Variants in PPM1H observed in about 807,000 individuals in gnomAD.
PPM1H encodes protein phosphatase 1H.
A neutral mutation model predicts 54.9 loss-of-function variants in PPM1H; 27 were observed. The ratio of observed to expected loss-of-function variants is 0.49; its 90% confidence interval spans 0.36 to 0.68. The LOEUF (loss-of-function observed/expected upper bound fraction) is 0.68, where lower values mean the gene tolerates loss of function less well. Ranked by LOEUF, PPM1H falls within the 30% of genes least tolerant of loss-of-function variation. The pLI is 0.00. For synonymous variants in PPM1H, 305 were observed against 270.8 expected, an observed-to-expected ratio of 1.13 and a Z score of -1.24; for missense variants, 596 against 667.8, an observed-to-expected ratio of 0.89 and a Z score of 1.19.
intron 8 of PPM1H, among the ~76,000 whole-genome samples, chr12:62,674,361 GA>G (rs2075974172): frequency 6.6e-6 from 1 of 152,118 alleles, no homozygotes; most frequent in Admixed American, 6.5e-5. Flanking sequence ...TAGTTGGTGG[GA>G]AATAAAGAGA....
chr12:62,807,603 T>G (rs566868670), intron 2 of PPM1H, among the ~76,000 whole-genome samples: 1 of 144,204 alleles, frequency 6.9e-6, no homozygotes, highest in East Asian at 2.0e-4. Context: ...AACATTTCTA[T>G]GCCATGGTTT....
intron 3 of PPM1H, among the ~76,000 whole-genome samples, chr12:62,799,881 T>C (rs2076756736): frequency 6.6e-6 from 1 of 152,152 alleles, no homozygotes; most frequent in East Asian, 1.9e-4. Context: ...GGTGCTCTGC[T>C]CCAAGGAGGT....
chr12:62,716,717 A>T (rs1388520153), intron 6 of PPM1H, among the ~76,000 whole-genome samples: 1 of 152,068 alleles, frequency 6.6e-6, no homozygotes, highest in African/African-American at 2.4e-5. Flanking sequence ...TGTTATAGAG[A>T]TGGGGTCTCC....
rs780754894 is a variant in PPM1H at position 62,667,199 on chromosome 12, CAGTT to C, written c.1372_1375del (p.Asn458ValfsTer17). On this transcript the variant is annotated frameshift_variant, in exon 9 of 10. Coordinates refer to ENST00000228705, the MANE Select transcript of PPM1H (RefSeq NM_020700.2). LOFTEE classifies it high-confidence loss of function. ...AAACCTGTGAGGATCATCTGGATCA[CAGTT>C]AGGAAGAAACTGAGTGATTGCTTCT... is the stretch of plus-strand genomic sequence containing the variant. 2 of 1,600,798 alleles carry C rather than the reference CAGTT, an allele frequency of 1.2e-6. No homozygotes were observed. Among genetic ancestry groups the C allele is most frequent in the South Asian group, 1.1e-5 (1 of 90,626 alleles).
chr12:62,721,443 G>T (rs1421069417), intron 5 of PPM1H, among the ~76,000 whole-genome samples: 2 of 152,200 alleles, frequency 1.3e-5, no homozygotes, highest in Admixed American at 6.5e-5. Flanking sequence ...GTGACTGAGG[G>T]TGAGCAGGAG....
intron 1 of PPM1H, among the ~76,000 whole-genome samples, chr12:62,865,921 A>G (rs1414908527): frequency 6.6e-6 from 1 of 152,232 alleles, no homozygotes; most frequent in Non-Finnish European, 1.5e-5. Flanking sequence ...GTAACCACTT[A>G]ATGCATAAGT....
At chr12:62,691,362 A>G (rs1471850804) in intron 7 of PPM1H, among the ~76,000 whole-genome samples, 1 of 152,188 alleles carries the variant, frequency 6.6e-6, no homozygotes, top group Non-Finnish European at 1.5e-5. Context: ...GAAGTAAATA[A>G]ATGCTAAGAA....
chr12:62,790,143 G>C (rs1218991458), intron 3 of PPM1H, among the ~76,000 whole-genome samples: 2 of 152,206 alleles, frequency 1.3e-5, no homozygotes, highest in African/African-American at 4.8e-5. Context: ...TCATGGAAAA[G>C]GGGGAGAGAA....
At chr12:62,725,145 C>T (rs1407489352) in intron 5 of PPM1H, among the ~76,000 whole-genome samples, 1 of 152,172 alleles carries the variant, frequency 6.6e-6, no homozygotes, top group Non-Finnish European at 1.5e-5. Flanking sequence ...TGAGTCACAC[C>T]TCCTCAAACT....
At chr12:62,652,290 G>A (rs2075820935) in intron 9 of PPM1H, among the ~76,000 whole-genome samples, 1 of 152,154 alleles carries the variant, frequency 6.6e-6, no homozygotes, top group Non-Finnish European at 1.5e-5. Context: ...ATAGCTCACT[G>A]TAACCTTGAA....
chr12:62,736,311 ATGAAGATC>A (rs142757630), intron 5 of PPM1H, among the ~76,000 whole-genome samples: 9,537 of 152,206 alleles, frequency 0.063, 976 homozygotes, highest in African/African-American at 0.22. Context: ...TGGGGCCAGA[ATGAAGATC>A]TGAAGGCTGC....
At chr12:62,852,659 A>G (rs966563279) in intron 1 of PPM1H, among the ~76,000 whole-genome samples, 1 of 152,244 alleles carries the variant, frequency 6.6e-6, no homozygotes, top group Non-Finnish European at 1.5e-5. Flanking sequence ...ACAGATGCTA[A>G]ATCTCTTAGA....
At chr12:62,880,314 T>C (rs1870345511) in intron 1 of PPM1H, among the ~76,000 whole-genome samples, 1 of 152,204 alleles carries the variant, frequency 6.6e-6, no homozygotes, top group Non-Finnish European at 1.5e-5. Flanking sequence ...AGGATGATTG[T>C]TGGGGCAGGG....
chr12:62,827,554 T>C (rs549533441), intron 2 of PPM1H, among the ~76,000 whole-genome samples: 7 of 152,326 alleles, frequency 4.6e-5, no homozygotes, highest in East Asian at 3.9e-4. Flanking sequence ...CAGCTTATTA[T>C]GGTGTATGAT....
intron 2 of PPM1H, among the ~76,000 whole-genome samples, chr12:62,805,228 G>A (rs1350006835): frequency 6.6e-6 from 1 of 152,198 alleles, no homozygotes; most frequent in East Asian, 1.9e-4. Context: ...TAGTGAGGAT[G>A]TGTAGAAAAA....
At chr12:62,757,661 T>C (rs1454493259) in intron 4 of PPM1H, among the ~76,000 whole-genome samples, 1 of 152,168 alleles carries the variant, frequency 6.6e-6, no homozygotes, top group Non-Finnish European at 1.5e-5. Context: ...GTCTTTACAA[T>C]AGAATTATTG....
intron 9 of PPM1H, among the ~76,000 whole-genome samples, chr12:62,665,181 G>A (rs1280630857): frequency 1.3e-5 from 2 of 151,996 alleles, no homozygotes; most frequent in African/African-American, 4.8e-5. Flanking sequence ...TTGAGTAGCT[G>A]GAATTACACA....
At chr12:62,921,659 C>T (rs1183501423) in intron 1 of PPM1H, among the ~76,000 whole-genome samples, 4 of 152,196 alleles carry the variant, frequency 2.6e-5, no homozygotes, top group African/African-American at 7.2e-5. Context: ...GTGGTGCCCA[C>T]TCACAATTCC....
intron 7 of PPM1H, among the ~76,000 whole-genome samples, chr12:62,692,246 T>C (rs546923202): frequency 6.6e-6 from 1 of 152,282 alleles, no homozygotes; most frequent in East Asian, 1.9e-4. Flanking sequence ...GGAGACATGG[T>C]GGCTTTTAAA....
Sources: allele counts gnomAD v4.1 joint callset (sites outside exome capture counted in the v4.1 genomes callset), GRCh38; gene constraint gnomAD v4.1.1; transcripts MANE v1.5; gene names NCBI Gene and HGNC (gene_info 2026-07-23, HGNC 2026-07-21).